Variants in ZMAT3 observed in about 807,000 individuals in gnomAD.
The protein encoded by ZMAT3 is zinc finger matrin-type protein 3.
A neutral mutation model predicts 32.3 loss-of-function variants in ZMAT3; 17 were observed. The ratio of observed to expected loss-of-function variants is 0.53; its 90% CI spans 0.36 to 0.79. The LOEUF is 0.79. ZMAT3 is among the 30% of genes least tolerant of loss of function. The pLI is 0.00. For synonymous variants in ZMAT3, 120 were observed against 133.1 expected (o/e 0.90, Z 0.68); for missense variants, 329 against 359.7 (o/e 0.91, Z 0.69).
At chr3:179,042,274 C>G (rs1391902470) in intron 2 of ZMAT3, among the ~76,000 whole-genome samples, 1 of 152,152 alleles carries the variant, frequency 6.6e-6, no homozygotes, top group Non-Finnish European at 1.5e-5. Flanking sequence ...CAACAAAAAC[C>G]AGAGAACTTT....
intron 2 of ZMAT3, among the ~76,000 whole-genome samples, chr3:179,063,046 A>C (rs554204546): frequency 6.6e-6 from 1 of 152,350 alleles, no homozygotes; most frequent in East Asian, 1.9e-4. Flanking sequence ...ACAGATATTG[A>C]ATAAAGAGAG....
chr3:179,041,358 A>C (rs1262577331), intron 2 of ZMAT3, among the ~76,000 whole-genome samples: 3 of 152,250 alleles, frequency 2.0e-5, no homozygotes, highest in African/African-American at 7.2e-5. Flanking sequence ...CAAATGTAAA[A>C]GAACAGAAAT....
Position 179,046,693 on chromosome 3 carries a change from T to A in ZMAT3, c.271-15694A>T, listed in dbSNP as rs562407324. 6.6e-6 allele frequency among the ~76,000 whole-genome samples: 1 copy of A among 152,286 alleles called. No individual in the cohort carries two copies. Among genetic ancestry groups the A allele is most frequent in the African/African-American group, 2.4e-5 (1 of 41,556 alleles). ...TGGGAGGAAGACCAGCCTTTAGGGC[T>A]GGGGGATGCATGGGAGCTGGGTGAG... On this transcript the variant is annotated intron_variant, in intron 2 of 5. Coordinates refer to ENST00000311417, the MANE Select transcript of ZMAT3 (RefSeq NM_022470.4). The surrounding 1 kb of genome is among the most constrained non-coding windows in gnomAD (Gnocchi z 4.3).
rs57477590 is a variant in ZMAT3, at chr3:179,023,711, T to TATATATATA, written c.*1305_*1306insTATATATAT. ...GAAAATATATCTATATATATATATA[T>TATATATATA]TTTTTTTTTTTTTTTTTTTTTTTTT... On this transcript the variant is annotated 3_prime_UTR_variant, in exon 6 of 6. Transcript: ENST00000311417. 4.0e-4 allele frequency: 6 copies of TATATATATA among 15,094 alleles called. No individual in the cohort carries two copies. Among genetic ancestry groups the TATATATATA allele is most frequent in the East Asian group, 3.4e-3 (1 of 298 alleles). The allele number at this position is 15,094 out of a possible 1,614,324, so 0.9% of individuals were successfully genotyped here. A position where few individuals can be genotyped will look rare whatever the true frequency, so the allele number is the denominator to read the frequency against.
intron 2 of ZMAT3, among the ~76,000 whole-genome samples, chr3:179,049,365 C>T (rs1406549889): frequency 6.6e-6 from 1 of 152,166 alleles, no homozygotes; most frequent in Admixed American, 6.5e-5. Context: ...GCAGAATATA[C>T]ATTCTATTCA....
At chr3:179,026,596 G>A (rs1389616081) in intron 5 of ZMAT3, among the ~76,000 whole-genome samples, 1 of 151,878 alleles carries the variant, frequency 6.6e-6, no homozygotes, top group Non-Finnish European at 1.5e-5. Context: ...GTGTTGGCCA[G>A]GCTGGTCTCG....
intron 2 of ZMAT3, among the ~76,000 whole-genome samples, chr3:179,040,927 CA>C (rs1719887850): frequency 6.8e-6 from 1 of 147,444 alleles, no homozygotes; most frequent in African/African-American, 2.5e-5. Flanking sequence ...GCAGGGGTAA[CA>C]ATCCTACTCT....
At chr3:179,069,462 A>G (rs543470157) in intron 1 of ZMAT3, among the ~76,000 whole-genome samples, 34 of 151,622 alleles carry the variant, frequency 2.2e-4, no homozygotes, top group Non-Finnish European at 4.9e-4. Context: ...AATTCCCTCC[A>G]CTCTCTCAAT....
chr3:179,056,696 G>C (rs191831145), intron 2 of ZMAT3, among the ~76,000 whole-genome samples: 1 of 152,238 alleles, frequency 6.6e-6, no homozygotes, highest in African/African-American at 2.4e-5. Flanking sequence ...CTGTCTCCTG[G>C]ACACTGGCGC....
At chr3:179,040,003 T>C (rs1719828301) in intron 2 of ZMAT3, among the ~76,000 whole-genome samples, 1 of 151,584 alleles carries the variant, frequency 6.6e-6, no homozygotes, top group African/African-American at 2.4e-5. Flanking sequence ...AATTAATTAA[T>C]GAAATAAAGC....
chr3:179,062,306 A>T (rs1368370649), intron 2 of ZMAT3, among the ~76,000 whole-genome samples: 1 of 152,168 alleles, frequency 6.6e-6, no homozygotes, highest in African/African-American at 2.4e-5. Flanking sequence ...AATGCTAAGG[A>T]CAGGAGAGGA....
At position 179,025,174 on chromosome 3, in the gene ZMAT3, A is replaced by G. The variant is rs1465472323; in HGVS notation, c.713T>C (p.Met238Thr). 2.5e-6 allele frequency: 4 copies of G among 1,614,238 alleles called. No homozygotes were observed. The highest frequency in any genetic ancestry group is 3.4e-6 in the Non-Finnish European group (4 of 1,180,044). The stretch of plus-strand genomic sequence containing the variant: ...AAACTGGCCACTTGGAGTAACACAC[A>G]TGGCCAGATCACGTGGAATTCTCTG... ...SRQRIPRDLA[M>T]CVTPSGQFYC... is the part of the protein sequence containing the mutation. The change falls in exon 6 of 6, where the codon ATG becomes ACG. Residue 238 changes from methionine to threonine, a missense_variant. Transcript: ENST00000311417.
intron 2 of ZMAT3, 119 bp from the exon 3 acceptor site, chr3:179,031,118 A>G: frequency 1.3e-6 from 1 of 787,254 alleles, no homozygotes; most frequent in South Asian, 2.6e-5. Flanking sequence ...GAGAGACCAC[A>G]TTCACATAAT....
At chr3:179,032,815 C>T (rs1451638344) in intron 2 of ZMAT3, among the ~76,000 whole-genome samples, 1 of 151,922 alleles carries the variant, frequency 6.6e-6, no homozygotes, top group Non-Finnish European at 1.5e-5. Flanking sequence ...GCAGCCACCC[C>T]ATCTGGGAAG....
Position 179,024,718 on chromosome 3 carries a change from G to C in ZMAT3, c.*299C>G. 3.3e-6 allele frequency: 1 copy of C among 298,640 alleles called. No individual in the cohort carries two copies. Among genetic ancestry groups the C allele is most frequent in the Non-Finnish European group, 6.4e-6 (1 of 156,336 alleles). The allele number at this position is 298,640 out of a possible 1,614,324, so 18.5% of individuals were successfully genotyped here. On this transcript the variant is annotated 3_prime_UTR_variant, in exon 6 of 6. Transcript: ENST00000311417. ...AAGCCGTCAGGCTACTAGTTGACCA[G>C]AACTTGAGCAAGATAAAAAGTTATT...
intron 1 of ZMAT3, among the ~76,000 whole-genome samples, chr3:179,070,438 TTTC>T (rs1357359065): frequency 2.0e-5 from 3 of 152,244 alleles, no homozygotes; most frequent in African/African-American, 7.2e-5. Context: ...CCCAAATTTA[TTTC>T]TTGTTATATT....
intron 2 of ZMAT3, among the ~76,000 whole-genome samples, chr3:179,043,715 A>G (rs1037439100): frequency 6.6e-6 from 1 of 152,166 alleles, no homozygotes; most frequent in Non-Finnish European, 1.5e-5. Flanking sequence ...AAGCCAAAAT[A>G]GACAAATGGG....
chr3:179,028,840 G>C (rs1446414740), intron 3 of ZMAT3, among the ~76,000 whole-genome samples: 1 of 152,130 alleles, frequency 6.6e-6, no homozygotes, highest in Non-Finnish European at 1.5e-5. Context: ...GATACAAACT[G>C]GTTAAAAGCA....
chr3:179,030,756 C>T, intron 3 of ZMAT3, 124 bp downstream of exon 3: 5 of 1,419,452 alleles, frequency 3.5e-6, no homozygotes, highest in Non-Finnish European at 4.7e-6. Context: ...CAAGCAGCAT[C>T]TTTCAGGATT....
Sources: allele counts gnomAD v4.1 joint callset (sites outside exome capture counted in the v4.1 genomes callset), GRCh38; gene constraint gnomAD v4.1.1; non-coding constraint Gnocchi (gnomAD v3.1); transcripts MANE v1.5; gene names NCBI Gene and HGNC (gene_info 2026-07-23, HGNC 2026-07-21).